Variants in SYN3 observed in about 807,000 individuals in gnomAD.
SYN3 encodes the protein synapsin III.
Under a neutral mutation model 65.8 loss-of-function variants are expected in SYN3, and 35 were observed. That is an observed-to-expected ratio of 0.53 (90% CI 0.41 to 0.70). The LOEUF (loss-of-function observed/expected upper bound fraction) is 0.70. Among genes scored for constraint, SYN3 ranks in the 30% least tolerant of loss-of-function variants. SYN3 has a pLI of 0.00. For synonymous variants in SYN3, 270 were observed against 292.9 expected, an observed-to-expected ratio of 0.92 and a Z score of 0.80; for missense variants, 680 against 749.0, an observed-to-expected ratio of 0.91 and a Z score of 1.08.
intron 6 of SYN3, among the ~76,000 whole-genome samples, chr22:32,670,675 T>C (rs1180885514): frequency 6.6e-6 from 1 of 152,224 alleles, no homozygotes; most frequent in African/African-American, 2.4e-5. Flanking sequence ...AGGGAAGAGC[T>C]CTAACTGGCC....
At chr22:32,569,569 C>CTATATATA (rs1481673554) in intron 7 of SYN3, among the ~76,000 whole-genome samples, 4 of 76,478 alleles carry the variant, frequency 5.2e-5, no homozygotes, top group African/African-American at 8.8e-5. Flanking sequence ...CTCTCTCTCT[C>CTATATATA]TCTATATATA....
rs375562602 is a variant in SYN3, at chr22:32,994,641, T to C, written c.311+11711A>G. Among the ~76,000 whole-genome samples the C allele has an allele frequency of 5.3e-5, 8 of 152,176 alleles. No homozygotes were observed. In the East Asian group the frequency reaches 1.2e-3, roughly 22 times the overall value. Reference sequence around the variant, plus strand: ...GAGTTGTGTGTCTCCACTCTAAGCCTCTCAACCAACTCTAGGAGGAGGGGA... The same window carrying C: ...GAGTTGTGTGTCTCCACTCTAAGCCCCTCAACCAACTCTAGGAGGAGGGGA... On this transcript the variant is annotated intron_variant, in intron 2 of 13. Coordinates refer to ENST00000358763, the MANE Select transcript of SYN3 (RefSeq NM_003490.4).
At chr22:32,987,081 T>C (rs1361815453) in intron 2 of SYN3, among the ~76,000 whole-genome samples, 2 of 152,008 alleles carry the variant, frequency 1.3e-5, no homozygotes, top group Admixed American at 1.3e-4. Flanking sequence ...AATAAATCGA[T>C]CCTGTATGTA....
intron 4 of SYN3, among the ~76,000 whole-genome samples, chr22:32,873,237 CA>C (rs2048897865): frequency 6.6e-6 from 1 of 152,190 alleles, no homozygotes; most frequent in South Asian, 2.1e-4. Flanking sequence ...AGACGTGAGC[CA>C]CCGTGCCCGG....
At chr22:33,055,099 T>C in intron 1 of SYN3, among the ~76,000 whole-genome samples, 1 of 152,218 alleles carries the variant, frequency 6.6e-6, no homozygotes, top group Non-Finnish European at 1.5e-5. Context: ...TGACTCCTTT[T>C]AAAACATAAA....
intron 6 of SYN3, among the ~76,000 whole-genome samples, chr22:32,599,359 T>C (rs969053871): frequency 2.6e-5 from 4 of 151,834 alleles, no homozygotes; most frequent in African/African-American, 9.7e-5. Context: ...TCTCGCTTTG[T>C]CGCTCAGGCT....
rs188913178 is a variant in SYN3 at position 33,025,767 on chromosome 22, C to T, written c.-162-18943G>A. On this transcript the variant is annotated intron_variant, in intron 1 of 13. Transcript: ENST00000358763. ...TTAGCCACAATTCTTCATCAGCCCCCAAGGTCTACAGTTTGCCAAGTGAGT... is the reference window on the plus strand; with the variant it reads ...TTAGCCACAATTCTTCATCAGCCCCTAAGGTCTACAGTTTGCCAAGTGAGT... Among the ~76,000 whole-genome samples, 5 of 152,070 alleles carry T rather than the reference C, an allele frequency of 3.3e-5. No homozygotes were observed. In the East Asian group the frequency reaches 9.6e-4, roughly 29 times the overall value.
intron 7 of SYN3, among the ~76,000 whole-genome samples, chr22:32,561,551 G>A (rs2058586804): frequency 6.6e-6 from 1 of 152,124 alleles, no homozygotes; most frequent in African/African-American, 2.4e-5. Context: ...TCAGTTGGGG[G>A]AATGATAATG....
At chr22:32,936,995 A>G (rs1569339905) in intron 3 of SYN3, among the ~76,000 whole-genome samples, 1 of 152,254 alleles carries the variant, frequency 6.6e-6, no homozygotes, top group Non-Finnish European at 1.5e-5. Context: ...TGCATCTCAG[A>G]AAAAACTAAA....
chr22:32,915,023 A>G (rs995604770), intron 4 of SYN3, among the ~76,000 whole-genome samples: 3 of 152,132 alleles, frequency 2.0e-5, no homozygotes, highest in African/African-American at 7.2e-5. Flanking sequence ...AGGCAGGCTC[A>G]AGTGCAAGTT....
chr22:33,022,410 T>G (rs1175831489), intron 1 of SYN3, among the ~76,000 whole-genome samples: 2 of 152,230 alleles, frequency 1.3e-5, no homozygotes, highest in African/African-American at 2.4e-5. Context: ...AACATGCACC[T>G]GCTGAGGAAG....
intron 6 of SYN3, among the ~76,000 whole-genome samples, chr22:32,673,706 A>C (rs997906177): frequency 2.0e-5 from 3 of 152,204 alleles, no homozygotes; most frequent in Non-Finnish European, 4.4e-5. Context: ...CAGAGGGCGT[A>C]TTCTAGACAG....
chr22:32,920,453 G>C (rs1418497565), intron 4 of SYN3, among the ~76,000 whole-genome samples: 6 of 152,156 alleles, frequency 3.9e-5, no homozygotes, highest in African/African-American at 1.4e-4. Context: ...AGAGAACCTG[G>C]ATGTCTGGGT....
chr22:33,012,912 CCTGT>C (rs1233200911), intron 1 of SYN3, among the ~76,000 whole-genome samples: 4 of 152,186 alleles, frequency 2.6e-5, no homozygotes, highest in African/African-American at 4.8e-5. Context: ...CTGTCCACCT[CCTGT>C]CTATTTTTTG....
At chr22:32,961,064 GGCGCTATTGACATTTTGA>G (rs2051633664) in intron 3 of SYN3, among the ~76,000 whole-genome samples, 1 of 152,176 alleles carries the variant, frequency 6.6e-6, no homozygotes, top group South Asian at 2.1e-4. Context: ...TCTCAACCTT[GGCGCTATTGACATTTTGA>G]GCTATGTAAC....
intron 6 of SYN3, among the ~76,000 whole-genome samples, chr22:32,773,671 C>T (rs112074412): frequency 1.6e-4 from 24 of 152,288 alleles, no homozygotes; most frequent in African/African-American, 5.8e-4. Context: ...AATTTGCACC[C>T]ACTGGTCTAT....
At chr22:32,771,444 G>C (rs1302904214) in intron 6 of SYN3, among the ~76,000 whole-genome samples, 1 of 152,208 alleles carries the variant, frequency 6.6e-6, no homozygotes, top group African/African-American at 2.4e-5. Flanking sequence ...ACAGCACAGT[G>C]GCCCCTGCCC....
At chr22:32,687,841 G>A (rs1051922763) in intron 6 of SYN3, among the ~76,000 whole-genome samples, 3 of 152,080 alleles carry the variant, frequency 2.0e-5, no homozygotes, top group African/African-American at 7.2e-5. Flanking sequence ...AATAGTGCTG[G>A]CCCATCCTAA....
intron 2 of SYN3, among the ~76,000 whole-genome samples, chr22:32,981,823 A>AT (rs2052383159): frequency 6.6e-6 from 1 of 152,132 alleles, no homozygotes; most frequent in Admixed American, 6.5e-5. Context: ...TGTTTTATCC[A>AT]TATTTTTCTT....
Sources: allele counts gnomAD v4.1 joint callset (sites outside exome capture counted in the v4.1 genomes callset), GRCh38; gene constraint gnomAD v4.1.1; transcripts MANE v1.5; gene names NCBI Gene and HGNC (gene_info 2026-07-23, HGNC 2026-07-21).